GABRB3: variants seen among roughly 807,000 people sequenced by gnomAD.
The protein encoded by GABRB3 is gamma-aminobutyric acid receptor subunit beta-3.
GABRB3 carries 14 observed loss-of-function variants against 52.1 expected under a neutral mutation model. The ratio of observed to expected loss-of-function variants is 0.27; its 90% CI spans 0.18 to 0.42. GABRB3 has a LOEUF of 0.42. Ranked by LOEUF, GABRB3 falls within the 10% of genes least tolerant of loss-of-function variation. The probability of loss-of-function intolerance (pLI) is 1.00; values close to 1 mark genes in which losing one functional copy is unlikely to be tolerated. For missense variants in GABRB3, 307 were observed against 609.1 expected (o/e 0.50, Z 5.22); for synonymous variants, 260 against 232.3 (o/e 1.12, Z -1.08).
At chr15:26,548,157 T>C (rs1332040864) in intron 8 of GABRB3, 23 bp from the exon 9 acceptor site, 23 of 1,579,160 alleles carry the variant, frequency 1.5e-5, no homozygotes, top group Non-Finnish European at 2.0e-5. Context: ...AAAATGCACA[T>C]GGTTAGACAG....
intron 6 of GABRB3, among the ~76,000 whole-genome samples, chr15:26,573,559 C>A (rs1391425217): frequency 6.6e-6 from 1 of 152,292 alleles, no homozygotes; most frequent in Non-Finnish European, 1.5e-5. Flanking sequence ...TTGGGATACT[C>A]CTTTTTGAGA....
At chr15:26,550,599 A>G (rs1889420107) in intron 8 of GABRB3, among the ~76,000 whole-genome samples, 1 of 152,248 alleles carries the variant, frequency 6.6e-6, no homozygotes, top group Non-Finnish European at 1.5e-5. Context: ...TCAAATAACT[A>G]AAAACAGAAC....
intron 8 of GABRB3, among the ~76,000 whole-genome samples, chr15:26,554,140 TAAAG>T (rs1889623262): frequency 3.0e-4 from 16 of 52,642 alleles, no homozygotes; most frequent in Non-Finnish European, 5.2e-4. Context: ...TATATATATA[TAAAG>T]TATATATATA....
chr15:26,554,037 T>TATATAGATATATATATATATATATA (rs59100810), intron 8 of GABRB3, among the ~76,000 whole-genome samples: 2 of 58,486 alleles, frequency 3.4e-5, no homozygotes, highest in Non-Finnish European at 6.4e-5. Context: ...ATATATATAT[T>TATATAGATATATATATATATATATA]TATTTATTTA....
chr15:26,711,336 A>G (rs1001614490), intron 3 of GABRB3, among the ~76,000 whole-genome samples: 13 of 152,276 alleles, frequency 8.5e-5, no homozygotes, highest in African/African-American at 3.1e-4. Flanking sequence ...CCGGGTAGAC[A>G]CCACCACATA....
At chr15:26,554,190 A>AAAGAGT (rs1567097853) in intron 8 of GABRB3, among the ~76,000 whole-genome samples, 8 of 31,542 alleles carry the variant, frequency 2.5e-4, no homozygotes, top group East Asian at 2.4e-3. Flanking sequence ...ATATATATAT[A>AAAGAGT]CTATATATAT....
At chr15:26,724,804 C>T (rs370744773) in intron 3 of GABRB3, among the ~76,000 whole-genome samples, 2 of 152,172 alleles carry the variant, frequency 1.3e-5, no homozygotes, top group Admixed American at 1.3e-4. Flanking sequence ...TATTTAGCCA[C>T]CCCAGTCTGC....
chr15:26,564,377 C>T (rs1378693226), intron 7 of GABRB3, among the ~76,000 whole-genome samples: 1 of 152,118 alleles, frequency 6.6e-6, no homozygotes, highest in Non-Finnish European at 1.5e-5. Context: ...TGGTCAGACC[C>T]TGGGCAGCAG....
At chr15:26,554,167 A>ATATATATAAAG (rs1889638223) in intron 8 of GABRB3, among the ~76,000 whole-genome samples, 3 of 29,822 alleles carry the variant, frequency 1.0e-4, no homozygotes, top group African/African-American at 4.1e-4. Context: ...TAAAGTATAT[A>ATATATATAAAG]TATATAAAGT....
In GABRB3 at chr15:26,544,381, C is replaced by T. The variant is rs1402696979; in HGVS notation, c.*3412G>A. On this transcript the variant is annotated 3_prime_UTR_variant, in exon 9 of 9. Transcript: ENST00000311550. Reference sequence around the variant, plus strand: ...GATCTCCTCAGTAAAAATGTCAACGCTGTGTTTGGACAAGAGAGAAGTGCC... The same window carrying T: ...GATCTCCTCAGTAAAAATGTCAACGTTGTGTTTGGACAAGAGAGAAGTGCC... The T allele has an allele frequency of 2.0e-5, 3 of 152,576 alleles. No homozygotes were observed. Among genetic ancestry groups the T allele is most frequent in the Non-Finnish European group, 2.9e-5 (2 of 68,028 alleles). The allele number at this position is 152,576 out of a possible 1,614,324, so 9.5% of individuals were successfully genotyped here.
In GABRB3 at chr15:26,621,468, G is replaced by A. The variant is rs267604145; in HGVS notation, c.307C>T (p.Pro103Ser). The A allele has an allele frequency of 1.2e-6, 2 of 1,613,996 alleles. No homozygotes were observed. The highest frequency in any genetic ancestry group is 1.7e-6 in the Non-Finnish European group (2 of 1,179,982). The change falls in exon 4 of 9, where the codon CCT becomes TCT. Residue 103 changes from proline (P) to serine (S), a missense_variant. Physicochemically the swap from Pro to Ser is moderately conservative, Grantham distance 74 (BLOSUM62 -1). Around this residue, in one of 6 missense-constraint regions of GABRB3, gnomAD observed 31 missense variants for 71.2 expected, o/e 0.44. Coordinates refer to ENST00000311550, the MANE Select transcript of GABRB3 (RefSeq NM_000814.6). The surrounding 1 kb of genome is among the most constrained non-coding windows in gnomAD (Gnocchi z 4.1). ...CGATTGTCAAGCGTGAGGTTGAGAG[G>A]GATCCCAGAATAGGCGAGCCTTTTA... ...RDKRLAYSGIPLNLTLDNRVA... is the reference protein window; with the variant it reads ...RDKRLAYSGISLNLTLDNRVA...
At chr15:26,639,286 T>C (rs918641719) in intron 3 of GABRB3, among the ~76,000 whole-genome samples, 1 of 150,768 alleles carries the variant, frequency 6.6e-6, no homozygotes, top group Non-Finnish European at 1.5e-5. Flanking sequence ...GTAGACCCCC[T>C]GTATCTGTGA....
chr15:26,718,218 A>T (rs67552561), intron 3 of GABRB3, among the ~76,000 whole-genome samples: 61,703 of 151,588 alleles, frequency 0.41, 14,592 homozygotes, highest in Admixed American at 0.54. Flanking sequence ...TTATTTATTT[A>T]TTTTTTTGGG....
intron 4 of GABRB3, among the ~76,000 whole-genome samples, chr15:26,620,380 A>C (rs1892438048): frequency 6.6e-6 from 1 of 152,192 alleles, no homozygotes; most frequent in Non-Finnish European, 1.5e-5. Flanking sequence ...AGGGATGTGG[A>C]TTTAAATATA....
At position 26,656,359 on chromosome 15, in the gene GABRB3, G is replaced by A. The variant is rs17117201; in HGVS notation, c.241-34825C>T. On this transcript the variant is annotated intron_variant, in intron 3 of 8. Coordinates refer to ENST00000311550, the MANE Select transcript of GABRB3 (RefSeq NM_000814.6). ...AGCAAATGTTGCCAATAAGGATTAG[G>A]TGACACATAAAATCAGAGTCTCTCA... Among the ~76,000 whole-genome samples the A allele has an allele frequency of 8.0e-3, 1,223 of 152,270 alleles. 20 individuals carry two copies. Among genetic ancestry groups the A allele is most frequent in the African/African-American group, 0.028 (1,171 of 41,562 alleles).
chr15:26,572,393 T>C (rs1336205218), intron 6 of GABRB3, among the ~76,000 whole-genome samples: 1 of 152,134 alleles, frequency 6.6e-6, no homozygotes, highest in East Asian at 1.9e-4. Flanking sequence ...CAGGCAGGGA[T>C]GAAGGAGAGC....
At chr15:26,743,474 C>T in intron 3 of GABRB3, among the ~76,000 whole-genome samples, 1 of 152,100 alleles carries the variant, frequency 6.6e-6, no homozygotes, top group East Asian at 1.9e-4. Flanking sequence ...TTAACTTGCC[C>T]TAAATTGTAG....
intron 3 of GABRB3, among the ~76,000 whole-genome samples, chr15:26,661,455 T>A (rs1887548279): frequency 6.6e-6 from 1 of 152,142 alleles, no homozygotes; most frequent in South Asian, 2.1e-4. Flanking sequence ...TCTGAGCACC[T>A]GTATGCAAGA....
chr15:26,620,585 T>A (rs1296145860), intron 4 of GABRB3, among the ~76,000 whole-genome samples: 1 of 152,144 alleles, frequency 6.6e-6, no homozygotes, highest in Non-Finnish European at 1.5e-5. Flanking sequence ...CAAAATACTG[T>A]TCTAAATAAA....
Sources: gnomAD v4.1 joint callset for allele counts (sites outside exome capture counted in the v4.1 genomes callset) on GRCh38, gnomAD v4.1.1 for gene constraint, gnomAD v4.1.1 regional missense constraint, Gnocchi (gnomAD v3.1) non-coding constraint, MANE v1.5 for transcripts, NCBI Gene and HGNC (gene_info 2026-07-23, HGNC 2026-07-21) for gene names.